The following LPP variants were observed in gnomAD, a reference collection of about 807,000 sequenced individuals.
LPP encodes lipoma-preferred partner.
A neutral mutation model predicts 60.4 loss-of-function variants in LPP; 38 were observed. That is an observed-to-expected ratio of 0.63 (90% CI 0.49 to 0.83). The LOEUF (loss-of-function observed/expected upper bound fraction) is 0.83, where lower values mean the gene tolerates loss of function less well. Ranked by LOEUF, LPP falls within the 40% of genes least tolerant of loss-of-function variation. LPP has a pLI of 0.00. For synonymous variants in LPP, 328 were observed against 290.8 expected (o/e 1.13, Z -1.30); for missense variants, 902 against 783.6 (o/e 1.15, Z -1.80).
intron 6 of LPP, among the ~76,000 whole-genome samples, chr3:188,555,141 G>A (rs1218869001): frequency 6.6e-6 from 1 of 152,108 alleles, no homozygotes; most frequent in Non-Finnish European, 1.5e-5. Flanking sequence ...GGAAGCACAA[G>A]CGTGAAAAGT....
intron 1 of LPP, among the ~76,000 whole-genome samples, chr3:188,178,169 G>A (rs1723641307): frequency 6.6e-6 from 1 of 152,186 alleles, no homozygotes; most frequent in Non-Finnish European, 1.5e-5. Flanking sequence ...AGTGCTGGGA[G>A]GGACCTCAGG....
At chr3:188,586,007 A>G (rs1837346990) in intron 6 of LPP, among the ~76,000 whole-genome samples, 1 of 152,228 alleles carries the variant, frequency 6.6e-6, no homozygotes, top group Non-Finnish European at 1.5e-5. Context: ...TGGGGCAGGA[A>G]GAGGTGTGAA....
chr3:188,664,836 G>A (rs1207869508), intron 7 of LPP, among the ~76,000 whole-genome samples: 1 of 152,200 alleles, frequency 6.6e-6, no homozygotes, highest in African/African-American at 2.4e-5. Flanking sequence ...GAAACTGGGA[G>A]TAACTTAGAG....
chr3:188,239,665 A>AT (rs1162461336), intron 2 of LPP, among the ~76,000 whole-genome samples: 1 of 152,208 alleles, frequency 6.6e-6, no homozygotes. Context: ...AAAGAAAGGC[A>AT]TTATGGAGTC....
intron 2 of LPP, among the ~76,000 whole-genome samples, chr3:188,320,108 C>T (rs879152595): frequency 9.2e-5 from 14 of 152,278 alleles, no homozygotes; most frequent in African/African-American, 2.6e-4. Context: ...CATATCACAG[C>T]GTACATGATG....
intron 9 of LPP, among the ~76,000 whole-genome samples, chr3:188,859,731 A>C (rs898135268): frequency 6.6e-6 from 1 of 152,222 alleles, no homozygotes; most frequent in Non-Finnish European, 1.5e-5. Flanking sequence ...ATGCTCCAAA[A>C]GATTAACAAA....
chr3:188,285,281 G>A (rs1743550224), intron 2 of LPP, among the ~76,000 whole-genome samples: 1 of 152,160 alleles, frequency 6.6e-6, no homozygotes. Flanking sequence ...TATATGTGAA[G>A]CGTTAGAGAG....
chr3:188,276,775 A>T (rs9757350), intron 2 of LPP, among the ~76,000 whole-genome samples: 109,434 of 149,630 alleles, frequency 0.73, 40,900 homozygotes, highest in African/African-American at 0.9. Context: ...CTCCCTTTTG[A>T]CTTCTGCCAC....
At chr3:188,629,263 AAGAG>A (rs368381684) in intron 7 of LPP, among the ~76,000 whole-genome samples, 2 of 151,942 alleles carry the variant, frequency 1.3e-5, no homozygotes, top group African/African-American at 2.4e-5. Flanking sequence ...TCCAAATAGA[AAGAG>A]AGAAAGTCAA....
At chr3:188,760,455 A>C (rs970603012) in intron 9 of LPP, among the ~76,000 whole-genome samples, 173 bp downstream of exon 9, 1 of 96,834 alleles carries the variant, frequency 1.0e-5, no homozygotes, top group Non-Finnish European at 2.3e-5. Flanking sequence ...CATGTAAATT[A>C]GCATATTGTA....
intron 7 of LPP, among the ~76,000 whole-genome samples, chr3:188,680,246 G>A (rs1859179955): frequency 6.6e-6 from 1 of 152,086 alleles, no homozygotes; most frequent in Non-Finnish European, 1.5e-5. Flanking sequence ...ACCCTCTGCT[G>A]GGATTTTGTT....
chr3:188,434,317 A>ATG (rs1791771281), intron 4 of LPP, among the ~76,000 whole-genome samples: 1 of 152,010 alleles, frequency 6.6e-6, no homozygotes, highest in Non-Finnish European at 1.5e-5. Context: ...AGATATATAT[A>ATG]TTTTTTCATA....
rs540754059 is a variant in LPP at position 188,560,709 on chromosome 3, T to C, written c.429+35922T>C. Among the ~76,000 whole-genome samples the C allele has an allele frequency of 2.6e-5, 4 of 152,248 alleles. No homozygotes were observed. In the South Asian group the frequency reaches 6.2e-4, roughly 24 times the overall value. On this transcript the variant is annotated intron_variant, in intron 6 of 11. Coordinates refer to ENST00000617246, the MANE Select transcript of LPP (RefSeq NM_001375462.1). ...TTTCTTCTTTTTATGGAATTCAAAG[T>C]CTATGTGTTCTTGCCATTGCCCCTG...
intron 3 of LPP, among the ~76,000 whole-genome samples, chr3:188,381,606 G>A (rs904009589): frequency 2.6e-5 from 4 of 152,104 alleles, no homozygotes; most frequent in African/African-American, 9.7e-5. Flanking sequence ...CCGATTCGGG[G>A]GACTGGATTG....
chr3:188,246,650 C>T (rs753142291), intron 2 of LPP, among the ~76,000 whole-genome samples: 5 of 152,176 alleles, frequency 3.3e-5, no homozygotes, highest in Non-Finnish European at 7.4e-5. Flanking sequence ...GAGTCCCCCA[C>T]AGGGCAGGAG....
At chr3:188,427,407 T>C (rs1312449729) in intron 4 of LPP, among the ~76,000 whole-genome samples, 2 of 152,200 alleles carry the variant, frequency 1.3e-5, no homozygotes, top group African/African-American at 2.4e-5. Context: ...ATTTCAACCT[T>C]GGTGGGGTAA....
intron 9 of LPP, among the ~76,000 whole-genome samples, chr3:188,829,569 A>G (rs1416974085): frequency 6.6e-6 from 1 of 152,236 alleles, no homozygotes; most frequent in African/African-American, 2.4e-5. Context: ...TGTGAGGTAC[A>G]AACTTCAGAT....
At chr3:188,163,867 C>T (rs1016708908) in intron 1 of LPP, among the ~76,000 whole-genome samples, 1 of 150,220 alleles carries the variant, frequency 6.7e-6, no homozygotes, top group Admixed American at 6.7e-5. Context: ...AGGAGAATCG[C>T]TTGAACCCAG....
At chr3:188,448,558 C>T (rs1347130384) in intron 4 of LPP, among the ~76,000 whole-genome samples, 2 of 151,900 alleles carry the variant, frequency 1.3e-5, no homozygotes, top group East Asian at 3.9e-4. Context: ...ACTGTAGCAA[C>T]CAAGGTGGGG....
Sources: allele counts gnomAD v4.1 joint callset (sites outside exome capture counted in the v4.1 genomes callset), GRCh38; gene constraint gnomAD v4.1.1; transcripts MANE v1.5; gene names NCBI Gene and HGNC (gene_info 2026-07-23, HGNC 2026-07-21).